METAP1: variants seen among roughly 807,000 people sequenced by gnomAD.
The protein encoded by METAP1 is methionyl aminopeptidase 1.
In METAP1, 28 loss-of-function variants were observed where a neutral mutation model predicts 53.8. The observed-to-expected ratio is 0.52, with a 90% CI of 0.39 to 0.71. METAP1 has a LOEUF of 0.71. Ranked by LOEUF, METAP1 falls within the 30% of genes least tolerant of loss-of-function variation. The probability of loss-of-function intolerance (pLI) is 0.00; values close to 1 mark genes in which losing one functional copy is unlikely to be tolerated. For missense variants in METAP1, 389 were observed against 479.8 expected (o/e 0.81, Z 1.77); for synonymous variants, 181 against 165.7 (o/e 1.09, Z -0.71).
intron 7 of METAP1, 43 bp from the exon 8 acceptor site, chr4:99,045,136 A>G (rs753697252): frequency 1.3e-6 from 2 of 1,583,614 alleles, no homozygotes; most frequent in Non-Finnish European, 1.7e-6. Context: ...GAATTTTGAA[A>G]TGAAAATAAG....
intron 1 of METAP1, among the ~76,000 whole-genome samples, chr4:99,024,429 C>T (rs758762133): frequency 3.3e-5 from 5 of 151,980 alleles, no homozygotes; most frequent in African/African-American, 9.7e-5. Flanking sequence ...AGAGTTTTTA[C>T]GGATAATTTG....
intron 1 of METAP1, chr4:99,022,929 G>A (rs1724243045): frequency 5.3e-6 from 8 of 1,499,532 alleles, no homozygotes; most frequent in South Asian, 1.2e-5. Context: ...CCTCACCATA[G>A]GCACTGAGAA....
intron 1 of METAP1, among the ~76,000 whole-genome samples, chr4:99,004,417 G>A (rs1042829359): frequency 1.3e-5 from 2 of 150,512 alleles, no homozygotes; most frequent in African/African-American, 4.9e-5. Context: ...AAGGCTAGGG[G>A]AGTTATTAGC....
At chr4:99,039,839 A>G (rs1435437890) in intron 5 of METAP1, among the ~76,000 whole-genome samples, 1 of 151,504 alleles carries the variant, frequency 6.6e-6, no homozygotes, top group Admixed American at 6.6e-5. Context: ...TGATCTGCCC[A>G]CCTTGGCCTC....
rs144937261 is a variant in METAP1 at position 99,019,250 on chromosome 4, A to G, written c.115-9617A>G. 2.0e-4 allele frequency among the ~76,000 whole-genome samples: 31 copies of G among 152,300 alleles called. 1 individual carries two copies. Among genetic ancestry groups the G allele is most frequent in the African/African-American group, 6.5e-4 (27 of 41,564 alleles). ...GGAAGAACAAGTAGCTCCAGAATCA[A>G]TGAGGAATGTTATTAGTTAATGGTT... is the stretch of plus-strand genomic sequence containing the variant. On this transcript the variant is annotated intron_variant, in intron 1 of 10. Coordinates refer to ENST00000296411, the MANE Select transcript of METAP1 (RefSeq NM_015143.3).
intron 1 of METAP1, among the ~76,000 whole-genome samples, chr4:99,008,217 C>CA (rs1301560374): frequency 1.3e-5 from 2 of 152,106 alleles, no homozygotes; most frequent in African/African-American, 4.8e-5. Flanking sequence ...AAGGAGAGGA[C>CA]ATTCTCTGCA....
chr4:99,033,681 G>T (rs1318117899), intron 2 of METAP1, among the ~76,000 whole-genome samples: 1 of 152,170 alleles, frequency 6.6e-6, no homozygotes, highest in African/African-American at 2.4e-5. Flanking sequence ...AGAGGCAAAT[G>T]ATGATCATAA....
chr4:99,036,759 A>G (rs1240106884), intron 4 of METAP1, among the ~76,000 whole-genome samples: 1 of 152,022 alleles, frequency 6.6e-6, no homozygotes, highest in East Asian at 1.9e-4. Flanking sequence ...TGCTTATTGT[A>G]ATTTGACTGC....
At position 99,061,496 on chromosome 4, in the gene METAP1, A is replaced by G. The variant is rs1727544910; in HGVS notation, c.*179A>G. Reference sequence around the variant, plus strand: ...TTGTCTTGGGTCTGAAAAAGCTGAGAAGAATAAAGGAAACATTGCTCAACT... The same window carrying G: ...TTGTCTTGGGTCTGAAAAAGCTGAGGAGAATAAAGGAAACATTGCTCAACT... On this transcript the variant is annotated 3_prime_UTR_variant, in exon 11 of 11. Coordinates refer to ENST00000296411, the MANE Select transcript of METAP1 (RefSeq NM_015143.3). 2.0e-6 allele frequency: 1 copy of G among 503,270 alleles called. No individual in the cohort carries two copies. Among genetic ancestry groups the G allele is most frequent in the South Asian group, 4.1e-5 (1 of 24,234 alleles). 31.2% of individuals were successfully genotyped at this position (503,270 alleles called of 1,614,324 possible). A position where few individuals can be genotyped will look rare whatever the true frequency, so the allele number is the denominator to read the frequency against.
chr4:99,010,982 A>G (rs1222217178), intron 1 of METAP1, among the ~76,000 whole-genome samples: 1 of 151,776 alleles, frequency 6.6e-6, no homozygotes, highest in East Asian at 1.9e-4. Context: ...TTGTTAGTGT[A>G]TAGAAATGCA....
chr4:99,031,451 C>A, intron 2 of METAP1: 1 of 1,282,990 alleles, frequency 7.8e-7, no homozygotes, highest in South Asian at 1.2e-5. Flanking sequence ...CTAAGTAATA[C>A]TTTTCCTTCC....
At chr4:99,026,525 G>C (rs1724575476) in intron 1 of METAP1, 2 of 985,252 alleles carry the variant, frequency 2.0e-6, no homozygotes, top group Non-Finnish European at 2.4e-6. Flanking sequence ...AAAGGGAAGA[G>C]ATTGGGAAGT....
intron 9 of METAP1, among the ~76,000 whole-genome samples, 151 bp downstream of exon 9, chr4:99,049,027 A>G (rs1726483090): frequency 6.6e-6 from 1 of 152,192 alleles, no homozygotes; most frequent in Admixed American, 6.5e-5. Flanking sequence ...GCTGAAACAC[A>G]GTGCAAGTTC....
intron 9 of METAP1, among the ~76,000 whole-genome samples, chr4:99,054,474 C>G (rs1296204928): frequency 6.6e-6 from 1 of 152,172 alleles, no homozygotes; most frequent in Non-Finnish European, 1.5e-5. Context: ...GTGATCTATC[C>G]AGACCATTCA....
chr4:99,034,370 A>G lies in METAP1; in HGVS notation c.279+28A>G, dbSNP rs544451689. ...GAGTAAATAAGGTAATAAAAACAAC[A>G]TTCCAATTTTGAATTTTCCAAAAAT... On this transcript the variant is annotated intron_variant, in intron 3 of 10. Coordinates refer to ENST00000296411, the MANE Select transcript of METAP1 (RefSeq NM_015143.3). 31 of 1,308,332 alleles carry G rather than the reference A, an allele frequency of 2.4e-5. 1 individual carries two copies. The South Asian group carries it at 3.9e-4, about 17-fold the overall frequency. The allele number at this position is 1,308,332 out of a possible 1,614,324, so 81.0% of individuals were successfully genotyped here.
chr4:99,049,172 A>G (rs1726492575), intron 9 of METAP1, among the ~76,000 whole-genome samples: 1 of 152,174 alleles, frequency 6.6e-6, no homozygotes, highest in East Asian at 1.9e-4. Context: ...CCTCCTGGTC[A>G]GTAGATAGTG....
chr4:99,013,213 A>G (rs1723571935), intron 1 of METAP1, among the ~76,000 whole-genome samples: 1 of 152,152 alleles, frequency 6.6e-6, no homozygotes, highest in South Asian at 2.1e-4. Flanking sequence ...TTCTTTGCAC[A>G]TGTAAGATTA....
intron 9 of METAP1, among the ~76,000 whole-genome samples, chr4:99,054,110 T>C (rs72910929): frequency 0.021 from 3,206 of 152,184 alleles, 98 homozygotes; most frequent in African/African-American, 0.071. Context: ...GCCTGTTCTT[T>C]GAAGCCAGTT....
In METAP1 at chr4:99,001,460, T is replaced by C. The variant is rs190840682; in HGVS notation, c.114+5593T>C. Among the ~76,000 whole-genome samples, 403 of 152,334 alleles carry C rather than the reference T, an allele frequency of 2.6e-3. 4 individuals carry two copies. Among genetic ancestry groups the C allele is most frequent in the African/African-American group, 9.2e-3 (382 of 41,574 alleles). On this transcript the variant is annotated intron_variant, in intron 1 of 10. Coordinates refer to ENST00000296411, the MANE Select transcript of METAP1 (RefSeq NM_015143.3). ...ATTTTGGTGTGTATTCTTAAGAACA[T>C]ATTTGCGTATTTATTCATGTGCACA... is the stretch of plus-strand genomic sequence containing the variant.
Sources: allele counts gnomAD v4.1 joint callset (sites outside exome capture counted in the v4.1 genomes callset), GRCh38; gene constraint gnomAD v4.1.1; transcripts MANE v1.5; gene names NCBI Gene and HGNC (gene_info 2026-07-23, HGNC 2026-07-21).